Variants in USP34 observed in about 807,000 individuals in gnomAD.
The protein encoded by USP34 is ubiquitin carboxyl-terminal hydrolase 34.
A neutral mutation model predicts 460.3 loss-of-function variants in USP34; 70 were observed. The ratio of observed to expected loss-of-function variants is 0.15; its 90% CI spans 0.13 to 0.19. The LOEUF (loss-of-function observed/expected upper bound fraction) is 0.19. Among genes scored for constraint, USP34 ranks in the 10% least tolerant of loss-of-function variants. The probability of loss-of-function intolerance (pLI) is 1.00; values close to 1 mark genes in which losing one functional copy is unlikely to be tolerated. For missense variants in USP34, 3,985 were observed against 4,236.2 expected, an observed-to-expected ratio of 0.94 and a Z score of 1.65; for synonymous variants, 1,647 against 1,405.3, an observed-to-expected ratio of 1.17 and a Z score of -3.85.
intron 1 of USP34, among the ~76,000 whole-genome samples, chr2:61,460,276 C>A (rs1355211102): frequency 6.6e-6 from 1 of 152,144 alleles, no homozygotes; most frequent in African/African-American, 2.4e-5. Context: ...TTCCGAGTGG[C>A]ATGATGAAAT....
intron 78 of USP34, chr2:61,189,338 T>C (rs1686551965): frequency 3.8e-6 from 1 of 262,244 alleles, no homozygotes; most frequent in African/African-American, 2.3e-5. Context: ...AGTGGTGTAA[T>C]CTCGGCTCGC....
intron 33 of USP34, 33 bp from the exon 34 acceptor site, chr2:61,288,910 T>C: frequency 6.2e-7 from 1 of 1,600,008 alleles, no homozygotes; most frequent in Middle Eastern, 1.7e-4. Flanking sequence ...AATTCCCTAT[T>C]TTCATTAATT....
intron 1 of USP34, among the ~76,000 whole-genome samples, chr2:61,429,701 G>A (rs1019407660): frequency 3.3e-5 from 5 of 152,052 alleles, no homozygotes; most frequent in African/African-American, 1.2e-4. Context: ...GCACCAACAA[G>A]CAACATGGAT....
chr2:61,373,462 G>A (rs1480211756), intron 8 of USP34, among the ~76,000 whole-genome samples: 1 of 149,286 alleles, frequency 6.7e-6, no homozygotes, highest in Non-Finnish European at 1.5e-5. Context: ...AAAAAGATAA[G>A]CCATGCCAAC....
At chr2:61,410,880 A>G (rs938287768) in intron 2 of USP34, among the ~76,000 whole-genome samples, 1 of 152,196 alleles carries the variant, frequency 6.6e-6, no homozygotes, top group African/African-American at 2.4e-5. Context: ...AGAACACTGG[A>G]AAGGCTCAGG....
chr2:61,333,509 A>G (rs2103736014), intron 19 of USP34, among the ~76,000 whole-genome samples: 1 of 152,200 alleles, frequency 6.6e-6, no homozygotes, highest in South Asian at 2.1e-4. Context: ...AGATTACCCC[A>G]AACATGACAT....
chr2:61,417,030 G>A (rs1694217491), intron 2 of USP34: 2 of 1,317,726 alleles, frequency 1.5e-6, no homozygotes, highest in Non-Finnish European at 2.2e-6. Context: ...TCTTCCAGAT[G>A]TGGATCTTCT....
intron 38 of USP34, among the ~76,000 whole-genome samples, 181 bp from the exon 39 acceptor site, chr2:61,280,529 T>G (rs986070824): frequency 1.3e-5 from 2 of 151,924 alleles, no homozygotes; most frequent in African/African-American, 2.4e-5. Context: ...GGCAAAAAAA[T>G]GACAAACGTA....
At chr2:61,346,815 G>C (rs1280712952) in intron 15 of USP34, among the ~76,000 whole-genome samples, 1 of 124,256 alleles carries the variant, frequency 8.0e-6, no homozygotes, top group East Asian at 2.4e-4. Flanking sequence ...CTGGGTGACA[G>C]AGTGAGATTC....
chr2:61,257,435 A>C, intron 44 of USP34, 85 bp from the exon 45 acceptor site: 7 of 1,095,974 alleles, frequency 6.4e-6, no homozygotes, highest in Non-Finnish European at 8.6e-6. Flanking sequence ...ACAAAAACAA[A>C]AGAACAGGTA....
In USP34 at chr2:61,287,120, A is replaced by T. The variant is rs186398038; in HGVS notation, c.4749+1557T>A. 3.9e-5 allele frequency among the ~76,000 whole-genome samples: 6 copies of T among 152,328 alleles called. No individual in the cohort carries two copies. The East Asian group carries it at 9.6e-4, about 24-fold the overall frequency. On this transcript the variant is annotated intron_variant, in intron 34 of 79. Transcript: ENST00000398571. ...ATATATTTCGTTTTATTAGATGTAA[A>T]TGATTTGGAATACTGACAGAGATCA... is the stretch of plus-strand genomic sequence containing the variant.
At position 61,461,151 on chromosome 2, in the gene USP34, G is replaced by A. The variant is rs907378995; in HGVS notation, c.43+9499C>T. Reference sequence around the variant, plus strand: ...CACAACTGTAATCTCAGCATTTTGGGAGGCTGAGGCAGGTGGATGACTTGA... The same window carrying A: ...CACAACTGTAATCTCAGCATTTTGGAAGGCTGAGGCAGGTGGATGACTTGA... On this transcript the variant is annotated intron_variant, in intron 1 of 79. Transcript: ENST00000398571. Among the ~76,000 whole-genome samples the A allele has an allele frequency of 3.9e-5, 6 of 152,116 alleles. No individual in the cohort carries two copies. In the South Asian group the frequency reaches 1.0e-3, roughly 26 times the overall value.
intron 43 of USP34, among the ~76,000 whole-genome samples, chr2:61,262,128 TATATAGATAG>T (rs1299723873): frequency 1.0e-4 from 13 of 128,882 alleles, no homozygotes; most frequent in African/African-American, 3.9e-4. Flanking sequence ...TATATATATA[TATATAGATAG>T]ATAGATAGAT....
chr2:61,228,935 A>T lies in USP34; in HGVS notation c.7260T>A (p.Phe2420Leu). 6.2e-7 allele frequency: 1 copy of T among 1,610,420 alleles called. No homozygotes were observed. Among genetic ancestry groups the T allele is most frequent in the Non-Finnish European group, 8.5e-7 (1 of 1,178,138 alleles). The change falls in exon 60 of 80, where the codon TTT becomes TTA. Residue 2420 changes from phenylalanine (F) to leucine (L), a missense_variant. Around this residue, in one of 14 missense-constraint regions of USP34, gnomAD observed 604 missense variants for 684.8 expected, o/e 0.88. Transcript: ENST00000398571. ...DIGGRSCVTR[F>L]VRTLLLIMEH... ...CCATAATTAATAACAGGGTTCTCAC[A>T]AAGCGAGTGACACATGAACGACCAC...
intron 75 of USP34, among the ~76,000 whole-genome samples, chr2:61,196,385 C>G (rs950814772): frequency 2.0e-5 from 3 of 151,702 alleles, no homozygotes; most frequent in African/African-American, 7.3e-5. Context: ...CCACCGCGCC[C>G]GGCCAATTTC....
chr2:61,434,768 A>AG (rs36007708), intron 1 of USP34, among the ~76,000 whole-genome samples: 4,009 of 149,572 alleles, frequency 0.027, 157 homozygotes, highest in African/African-American at 0.078. Context: ...TAAAATTGAA[A>AG]GGGGGGGGGT....
chr2:61,203,907 A>AAG (rs1220979213), intron 74 of USP34, among the ~76,000 whole-genome samples: 1 of 150,060 alleles, frequency 6.7e-6, no homozygotes, highest in Non-Finnish European at 1.5e-5. Flanking sequence ...GAAGTAGAAG[A>AAG]AGTCATTGAT....
At chr2:61,399,519 A>G (rs1242968798) in intron 3 of USP34, among the ~76,000 whole-genome samples, 1 of 152,082 alleles carries the variant, frequency 6.6e-6, no homozygotes, top group Non-Finnish European at 1.5e-5. Flanking sequence ...TAAAAAATTA[A>G]CACACATCTA....
At chr2:61,343,792 T>G in intron 16 of USP34, 23 bp downstream of exon 16, 1 of 1,601,252 alleles carries the variant, frequency 6.2e-7, no homozygotes. Flanking sequence ...AGGTAATATA[T>G]TTTACTTACT....
Sources: gnomAD v4.1 joint callset for allele counts (sites outside exome capture counted in the v4.1 genomes callset) on GRCh38, gnomAD v4.1.1 for gene constraint, gnomAD v4.1.1 regional missense constraint, MANE v1.5 for transcripts, NCBI Gene and HGNC (gene_info 2026-07-23, HGNC 2026-07-21) for gene names.